The following NOP9 variants were observed in gnomAD, a reference collection of about 807,000 sequenced individuals.
NOP9 encodes the protein nucleolar protein 9.
A neutral mutation model predicts 63.0 loss-of-function variants in NOP9; 50 were observed. That is an observed-to-expected ratio of 0.79 (90% CI 0.63 to 1.00). NOP9 has a LOEUF of 1.00. Ranked by LOEUF, NOP9 falls within the 50% of genes least tolerant of loss-of-function variation. The pLI is 0.00. For missense variants in NOP9, 758 were observed against 803.0 expected, an observed-to-expected ratio of 0.94 and a Z score of 0.68; for synonymous variants, 343 against 332.8, an observed-to-expected ratio of 1.03 and a Z score of -0.33.
At position 24,308,327 on chromosome 14, in the gene NOP9, C is replaced by G; in HGVS notation, c.*3232C>G. On this transcript the variant is annotated 3_prime_UTR_variant, in exon 10 of 10. Transcript: ENST00000267425. ...AGCTTTAGGAAAAGGGAACCCGGGG[C>G]AGAGTGTGGGGAAGTGGGATGGCAG... is the stretch of plus-strand genomic sequence containing the variant. The G allele has an allele frequency of 9.0e-6, 2 of 222,248 alleles. No homozygotes were observed. The highest frequency in any genetic ancestry group is 1.1e-4 in the East Asian group (1 of 8,994). The allele number at this position is 222,248 out of a possible 1,614,324, so 13.8% of individuals were successfully genotyped here.
the NOP9 span, among the ~76,000 whole-genome samples, chr14:24,284,674 A>T: frequency 6.6e-6 from 1 of 152,028 alleles, no homozygotes; most frequent in African/African-American, 2.4e-5. Flanking sequence ...AGTGTAAGGG[A>T]CCAGATGCTT....
the NOP9 span, among the ~76,000 whole-genome samples, chr14:24,281,603 G>A: frequency 1.3e-5 from 2 of 152,188 alleles, no homozygotes; most frequent in Non-Finnish European, 2.9e-5. Context: ...ATAGTAAGAG[G>A]TTCCCTGGAA....
At chr14:24,275,181 G>A in the NOP9 span, among the ~76,000 whole-genome samples, 1 of 152,074 alleles carries the variant, frequency 6.6e-6, no homozygotes, top group African/African-American at 2.4e-5. Context: ...CAAAGTGCTG[G>A]GATTATAGGC....
At position 24,306,576 on chromosome 14, in the gene NOP9, T is replaced by A; in HGVS notation, c.*1481T>A. Reference sequence around the variant, plus strand: ...CAGGTCTTATCCCATGCCCCTTCCCTCTTTAGCTGCCCAACATCCATCAGT... The same window carrying A: ...CAGGTCTTATCCCATGCCCCTTCCCACTTTAGCTGCCCAACATCCATCAGT... On this transcript the variant is annotated 3_prime_UTR_variant, in exon 10 of 10. Transcript: ENST00000267425. 1 of 1,610,212 alleles carries A rather than the reference T, an allele frequency of 6.2e-7. No individual in the cohort carries two copies. Among genetic ancestry groups the A allele is most frequent in the Non-Finnish European group, 8.5e-7 (1 of 1,176,840 alleles).
upstream of NOP9, chr14:24,298,721 A>C (rs186877859): frequency 9.8e-5 from 46 of 469,488 alleles, 2 homozygotes; most frequent in Admixed American, 1.3e-3. Flanking sequence ...CTGGGACTGC[A>C]GGAACGTGCC....
chr14:24,304,815 A>G, intron 9 of NOP9, 123 bp from the exon 10 acceptor site: 1 of 1,178,916 alleles, frequency 8.5e-7, no homozygotes, highest in South Asian at 1.6e-5. Context: ...TTCTTTGGAA[A>G]GTGAAGTGTT....
Position 24,300,048 on chromosome 14 carries a change from T to G in NOP9, c.94T>G (p.Leu32Val). The change falls in exon 1 of 10, where the codon TTA (leucine) becomes GTA (valine). Residue 32 changes from leucine (L) to valine (V), a missense_variant. Physicochemically the swap from Leu to Val is conservative, Grantham distance 32. Coordinates refer to ENST00000267425, the MANE Select transcript of NOP9 (RefSeq NM_174913.3). ...CGGGGCCAAGGGGTCGGGGCGCCCC[T>G]TACCAGGCCGTAAGCGGCAACCCTG... ...GRGAKGSGRPLPGRKRQPWPP... is the reference protein window; with the variant it reads ...GRGAKGSGRPVPGRKRQPWPP... 6.2e-7 allele frequency: 1 copy of G among 1,611,506 alleles called. No homozygotes were observed. The highest frequency in any genetic ancestry group is 8.5e-7 in the Non-Finnish European group (1 of 1,179,472).
the NOP9 span, among the ~76,000 whole-genome samples, chr14:24,287,475 T>C: frequency 1.3e-5 from 2 of 152,206 alleles, no homozygotes; most frequent in African/African-American, 4.8e-5. Flanking sequence ...CAACCCTGCT[T>C]ACTTGTCTCC....
rs910559749 is a variant in NOP9 at position 24,308,126 on chromosome 14, C to T, written c.*3031C>T. The T allele has an allele frequency of 9.4e-6, 5 of 534,614 alleles. No homozygotes were observed. The highest frequency in any genetic ancestry group is 5.7e-5 in the African/African-American group (3 of 52,384). 33.1% of individuals were successfully genotyped at this position (534,614 alleles called of 1,614,324 possible). On this transcript the variant is annotated 3_prime_UTR_variant, in exon 10 of 10. Transcript: ENST00000267425. ...CTTGTATGTGTGTCTTTGGTGATGA[C>T]ATGTGTTGTGAGGGTAGATGGGAAC... is the stretch of plus-strand genomic sequence containing the variant.
the NOP9 span, chr14:24,271,438 G>A: frequency 5.8e-5 from 15 of 260,712 alleles, no homozygotes; most frequent in African/African-American, 2.7e-4. Flanking sequence ...GCCGCTACCC[G>A]CCCGTCCCAC....
chr14:24,304,469 C>T (rs773106718), intron 8 of NOP9, 24 bp from the exon 9 acceptor site: 3 of 1,574,598 alleles, frequency 1.9e-6, no homozygotes, highest in African/African-American at 1.4e-5. Flanking sequence ...GCTAGGGAGA[C>T]CTACTTTGCT....
chr14:24,280,947 C>T, the NOP9 span, among the ~76,000 whole-genome samples: 27 of 152,196 alleles, frequency 1.8e-4, no homozygotes, highest in Non-Finnish European at 2.9e-4. Context: ...CTCGCAGCAC[C>T]GGGAGGGAGT....
rs1350474251 is a variant in NOP9 at position 24,306,133 on chromosome 14, C to G, written c.*1038C>G. 1 of 1,613,212 alleles carries G rather than the reference C, an allele frequency of 6.2e-7. No individual in the cohort carries two copies. The highest frequency in any genetic ancestry group is 8.5e-7 in the Non-Finnish European group (1 of 1,179,638). ...CCGTCCCAGGCCATATGACAGCACT[C>G]CACTCTGTAGGACACCCTTGTCAGT... On this transcript the variant is annotated 3_prime_UTR_variant, in exon 10 of 10. Coordinates refer to ENST00000267425, the MANE Select transcript of NOP9 (RefSeq NM_174913.3).
the NOP9 span, among the ~76,000 whole-genome samples, chr14:24,275,724 G>A: frequency 9.8e-5 from 15 of 152,368 alleles, no homozygotes; most frequent in Admixed American, 2.0e-4. Flanking sequence ...ATGGTCTGAC[G>A]GCAGGGGGAG....
At chr14:24,304,401 C>G in intron 8 of NOP9, 92 bp from the exon 9 acceptor site, 1 of 1,354,898 alleles carries the variant, frequency 7.4e-7, no homozygotes, top group Non-Finnish European at 1.0e-6. Flanking sequence ...TAATTCAGCC[C>G]TTAAACTCTT....
At chr14:24,301,464 T>C in intron 2 of NOP9, 148 bp from the exon 3 acceptor site, 1 of 914,414 alleles carries the variant, frequency 1.1e-6, no homozygotes, top group South Asian at 1.8e-5. Context: ...AGAAATGTAG[T>C]CTCAGTTCAG....
At chr14:24,285,199 CATG>C in the NOP9 span, among the ~76,000 whole-genome samples, 2 of 152,212 alleles carry the variant, frequency 1.3e-5, no homozygotes, top group Non-Finnish European at 2.9e-5. Context: ...ATCTCACAGC[CATG>C]TTTGGGTCCA....
At chr14:24,295,559 G>C (rs1349216110), upstream of NOP9, among the ~76,000 whole-genome samples, 1 of 152,204 alleles carries the variant, frequency 6.6e-6, no homozygotes. Flanking sequence ...GCCCAAGGTC[G>C]AGGGTCTGGG....
chr14:24,299,195 G>T (rs1348539272), upstream of NOP9: 2 of 1,443,854 alleles, frequency 1.4e-6, no homozygotes, highest in Non-Finnish European at 1.9e-6. Flanking sequence ...GGCGAGGTTG[G>T]GGGGTAGGGG....
Sources: allele counts gnomAD v4.1 joint callset (sites outside exome capture counted in the v4.1 genomes callset), GRCh38; gene constraint gnomAD v4.1.1; transcripts MANE v1.5; gene names NCBI Gene and HGNC (gene_info 2026-07-23, HGNC 2026-07-21).